Variants in FEZF1 observed in about 807,000 individuals in gnomAD.
FEZF1 encodes fez family zinc finger protein 1.
In FEZF1, 8 loss-of-function variants were observed where a neutral mutation model predicts 32.4. The observed-to-expected ratio is 0.25, with a 90% CI of 0.15 to 0.45. The LOEUF is 0.45. FEZF1 is among the 20% of genes least tolerant of loss of function. The pLI is 1.00. For synonymous variants in FEZF1, 259 were observed against 265.2 expected (o/e 0.98, Z 0.23); for missense variants, 546 against 622.3 (o/e 0.88, Z 1.31).
chr7:122,306,303 G>C (rs2031278893), upstream of FEZF1: 1 of 152,690 alleles, frequency 6.5e-6, no homozygotes. Context: ...GTGGTGGCGG[G>C]TGTCAGGTAT....
intron 1 of FEZF1, 124 bp downstream of exon 1, chr7:122,303,507 AAGGAAG>A (rs2031123959): frequency 1.8e-6 from 1 of 548,826 alleles, no homozygotes; most frequent in African/African-American, 2.4e-5. Flanking sequence ...GGAAGGAAGG[AAGGAAG>A]GAAGGAAGGA....
chr7:122,304,054 C>G lies in FEZF1; in HGVS notation c.384G>C (p.Lys128Asn). 6.4e-7 allele frequency: 1 copy of G among 1,560,642 alleles called. No individual in the cohort carries two copies. Among genetic ancestry groups the G allele is most frequent in the Non-Finnish European group, 8.7e-7 (1 of 1,155,162 alleles). Residue 128 changes from lysine (K) to asparagine (N), a missense_variant, in exon 1 of 4, where the codon AAG (lysine) becomes AAC (asparagine). Transcript: ENST00000442488. ...SDLLNCALSL[K>N]GDLARDALPL... Reference sequence around the variant, plus strand: ...GCAGCGCGTCGCGGGCCAGGTCGCCCTTGAGACTCAGTGCGCAGTTGAGCA... The same window carrying G: ...GCAGCGCGTCGCGGGCCAGGTCGCCGTTGAGACTCAGTGCGCAGTTGAGCA...
chr7:122,306,062 G>C (rs142164322), upstream of FEZF1: 32 of 152,400 alleles, frequency 2.1e-4, no homozygotes, highest in East Asian at 6.2e-3. Flanking sequence ...CCCCGGCGCA[G>C]TCTCTTGCCA....
At position 122,304,022 on chromosome 7, in the gene FEZF1, T is replaced by C; in HGVS notation, c.416A>G (p.Gln139Arg). The change falls in exon 1 of 4, where the codon CAG (glutamine) becomes CGG (arginine). Residue 139 changes from glutamine (Q) to arginine (R), a missense_variant. Coordinates refer to ENST00000442488, the MANE Select transcript of FEZF1 (RefSeq NM_001024613.4). The stretch of plus-strand genomic sequence containing the variant: ...ACGCGGCCTTACCAGCTTGTACTGC[T>C]GCAGCGGCAGCGCGTCGCGGGCCAG... ...GDLARDALPL[Q>R]QYKLVRPRVV... is the part of the protein sequence containing the mutation. 1 of 1,563,754 alleles carries C rather than the reference T, an allele frequency of 6.4e-7. No individual in the cohort carries two copies. Among genetic ancestry groups the C allele is most frequent in the Non-Finnish European group, 8.7e-7 (1 of 1,155,528 alleles).
chr7:122,309,196 G>A (rs2031360882), upstream of FEZF1, among the ~76,000 whole-genome samples: 1 of 152,156 alleles, frequency 6.6e-6, no homozygotes, highest in Non-Finnish European at 1.5e-5. Context: ...GGCTACTAGT[G>A]TGCTTTTAGT....
Position 122,303,309 on chromosome 7 carries a change from G to T in FEZF1, c.804C>A (p.Val268=). 2 of 1,613,926 alleles carry T rather than the reference G, an allele frequency of 1.2e-6. No homozygotes were observed. The highest frequency in any genetic ancestry group is 2.7e-5 in the African/African-American group (2 of 75,006). Residue 268 remains valine (V), a splice_region_variant and synonymous_variant, in exon 2 of 4, where the codon GTC becomes GTA. Coordinates refer to ENST00000442488, the MANE Select transcript of FEZF1 (RefSeq NM_001024613.4). The part of the protein sequence containing the change: ...KVFTCEVCGK[V]FNAHYNLTRH... ...GGGTTAAGTTATAGTGCGCATTAAAGACCTTAAAATTAAACACACGTAGAA... is the reference window on the plus strand; with the variant it reads ...GGGTTAAGTTATAGTGCGCATTAAATACCTTAAAATTAAACACACGTAGAA...
intron 2 of FEZF1, 87 bp downstream of exon 2, chr7:122,303,090 G>A (rs1362581064): frequency 1.3e-6 from 2 of 1,582,660 alleles, no homozygotes; most frequent in Non-Finnish European, 8.6e-7. Flanking sequence ...TTAAATGAAC[G>A]TTATCCTAAA....
chr7:122,301,881 G>T lies in FEZF1; in HGVS notation c.*116C>A. ...GATGCAGAGGCTTCTGGTCGGCCCT[G>T]AAGTGTGGGGCCCAACATGCCCTGG... On this transcript the variant is annotated 3_prime_UTR_variant, in exon 4 of 4. Coordinates refer to ENST00000442488, the MANE Select transcript of FEZF1 (RefSeq NM_001024613.4). The T allele has an allele frequency of 7.0e-7, 1 of 1,433,984 alleles. No homozygotes were observed. The highest frequency in any genetic ancestry group is 9.3e-7 in the Non-Finnish European group (1 of 1,076,528). The allele number at this position is 1,433,984 out of a possible 1,614,324, so 88.8% of individuals were successfully genotyped here. A position where few individuals can be genotyped will look rare whatever the true frequency, so the allele number is the denominator to read the frequency against.
In FEZF1 at chr7:122,304,132, G is replaced by A. The variant is rs2031184081; in HGVS notation, c.306C>T (p.Ala102=). 6.2e-7 allele frequency: 1 copy of A among 1,602,228 alleles called. No homozygotes were observed. The highest frequency in any genetic ancestry group is 8.5e-7 in the Non-Finnish European group (1 of 1,173,302). ...GSEPRKASLE[A]PAAPAAVPSA... is the part of the protein sequence containing the mutation. ...AGGGCACCGCCGCGGGCGCCGCCGGGGCCTCCAGACTGGCCTTCCGCGGCT... is the reference window on the plus strand; with the variant it reads ...AGGGCACCGCCGCGGGCGCCGCCGGAGCCTCCAGACTGGCCTTCCGCGGCT... The change falls in exon 1 of 4, where the codon GCC becomes GCT. Residue 102 remains alanine, a synonymous_variant. Coordinates refer to ENST00000442488, the MANE Select transcript of FEZF1 (RefSeq NM_001024613.4).
chr7:122,304,197 C>G lies in FEZF1; in HGVS notation c.241G>C (p.Ala81Pro), dbSNP rs979962300. 1.3e-6 allele frequency: 2 copies of G among 1,596,570 alleles called. No homozygotes were observed. The highest frequency in any genetic ancestry group is 2.7e-5 in the African/African-American group (2 of 74,584). ...CCTGCCTTGGGGCTCGTGTCGTAGG[C>G]CACAGGCACGAAGGGGATCATGCAG... ...IPCMIPFVPVAYDTSPKAGVT... is the reference protein window; with the variant it reads ...IPCMIPFVPVPYDTSPKAGVT... The change falls in exon 1 of 4, where the codon GCC (alanine) becomes CCC (proline). Residue 81 changes from alanine to proline, a missense_variant. Physicochemically the swap from Ala to Pro is conservative, Grantham distance 27. Transcript: ENST00000442488.
At chr7:122,307,354 G>A (rs1346264483), upstream of FEZF1, 2 of 152,356 alleles carry the variant, frequency 1.3e-5, no homozygotes, top group Non-Finnish European at 2.9e-5. Context: ...AGGTTGAAAG[G>A]AAAAAGCCAA....
chr7:122,301,756 C>T lies in FEZF1; in HGVS notation c.*241G>A, dbSNP rs1040401142. 33 of 424,494 alleles carry T rather than the reference C, an allele frequency of 7.8e-5. No homozygotes were observed. The highest frequency in any genetic ancestry group is 1.1e-4 in the Non-Finnish European group (26 of 246,920). The allele number at this position is 424,494 out of a possible 1,614,324, so 26.3% of individuals were successfully genotyped here. The stretch of plus-strand genomic sequence containing the variant: ...AAAAAAGAAAAAGAAAAACAGAAAA[C>T]AAGCAAAACCCTCCAAATTTTTCAT... On this transcript the variant is annotated 3_prime_UTR_variant, in exon 4 of 4. Coordinates refer to ENST00000442488, the MANE Select transcript of FEZF1 (RefSeq NM_001024613.4).
chr7:122,303,532 A>AGGGAG, intron 1 of FEZF1, 105 bp downstream of exon 1: 1 of 235,880 alleles, frequency 4.2e-6, no homozygotes, highest in African/African-American at 6.1e-5. Flanking sequence ...GAAGGAAGGA[A>AGGGAG]GGAAGGAGGG....
upstream of FEZF1, among the ~76,000 whole-genome samples, chr7:122,309,152 T>C (rs1419014072): frequency 3.9e-5 from 6 of 152,218 alleles, no homozygotes; most frequent in African/African-American, 1.2e-4. Context: ...TTCCAACACG[T>C]TAGCAAACAT....
chr7:122,303,506 G>T, intron 1 of FEZF1, 131 bp downstream of exon 1: 2 of 553,966 alleles, frequency 3.6e-6, no homozygotes, highest in Non-Finnish European at 6.1e-6. Flanking sequence ...AGGAAGGAAG[G>T]AAGGAAGGAA....
Position 122,303,273 on chromosome 7 carries a change from T to C in FEZF1, c.840A>G (p.Pro280=). 6.2e-7 allele frequency: 1 copy of C among 1,614,102 alleles called. No individual in the cohort carries two copies. Among genetic ancestry groups the C allele is most frequent in the African/African-American group, 1.3e-5 (1 of 75,014 alleles). The change falls in exon 2 of 4, where the codon CCA becomes CCG. Residue 280 remains proline (P), a synonymous_variant. Coordinates refer to ENST00000442488, the MANE Select transcript of FEZF1 (RefSeq NM_001024613.4). ...CGAAGGGTCTGGCTCCTGTGTGCACTGGCATGTGACGGGTTAAGTTATAGT... is the reference window on the plus strand; with the variant it reads ...CGAAGGGTCTGGCTCCTGTGTGCACCGGCATGTGACGGGTTAAGTTATAGT... The part of the protein sequence containing the change: ...NAHYNLTRHM[P]VHTGARPFVC...
At chr7:122,309,599 C>G (rs1160891677), upstream of FEZF1, 1 of 152,146 alleles carries the variant, frequency 6.6e-6, no homozygotes, top group Admixed American at 6.5e-5. Context: ...TGAGGTGTGT[C>G]CCTCCAGACT....
chr7:122,303,393 G>C (rs1451524435), intron 1 of FEZF1, 82 bp from the exon 2 acceptor site: 2 of 1,533,154 alleles, frequency 1.3e-6, no homozygotes, highest in African/African-American at 2.8e-5. Flanking sequence ...GTAGGAGGAA[G>C]AGAATCTTAA....
At chr7:122,307,617 A>C (rs971240092), upstream of FEZF1, 1 of 152,428 alleles carries the variant, frequency 6.6e-6, no homozygotes, top group Non-Finnish European at 1.5e-5. Context: ...ATATTGGCTA[A>C]GAGGTATGCA....
Sources: allele counts gnomAD v4.1 joint callset (sites outside exome capture counted in the v4.1 genomes callset), GRCh38; gene constraint gnomAD v4.1.1; transcripts MANE v1.5; gene names NCBI Gene and HGNC (gene_info 2026-07-23, HGNC 2026-07-21).